Variants in HIRA observed in about 807,000 individuals in gnomAD.
HIRA encodes protein HIRA.
A neutral mutation model predicts 126.6 loss-of-function variants in HIRA; 13 were observed. That is an observed-to-expected ratio of 0.10 (90% confidence interval 0.07 to 0.16). HIRA has a LOEUF of 0.16. Ranked by LOEUF, HIRA falls within the 10% of genes least tolerant of loss-of-function variation. HIRA has a pLI of 1.00. For synonymous variants in HIRA, 511 were observed against 520.0 expected (o/e 0.98, Z 0.24); for missense variants, 834 against 1,314.4 (o/e 0.63, Z 5.65).
rs376218801 is a variant in HIRA at position 19,361,312 on chromosome 22, C to T, written c.2010G>A (p.Glu670=). ...GTGCTGGTGCAGACAGACACATGGC[C>T]TCCTTCTCTGCGGTTAGGGCAGCTG... ...QSPAALTAEK[E]AMCLSAPALA... Residue 670 remains glutamate (E), a synonymous_variant, in exon 17 of 25, where the codon GAG becomes GAA. Transcript: ENST00000263208. The T allele has an allele frequency of 9.2e-5, 148 of 1,614,082 alleles. No individual in the cohort carries two copies. The South Asian group carries it at 1.1e-3, about 12-fold the overall frequency.
At chr22:19,349,690 G>A (rs938562016) in intron 24 of HIRA, among the ~76,000 whole-genome samples, 3 of 152,116 alleles carry the variant, frequency 2.0e-5, no homozygotes, top group African/African-American at 7.2e-5. Flanking sequence ...TTGAACCCAG[G>A]ATTCAAAGTA....
At chr22:19,363,313 C>T (rs528050010) in intron 15 of HIRA, among the ~76,000 whole-genome samples, 1 of 151,348 alleles carries the variant, frequency 6.6e-6, no homozygotes, top group Admixed American at 6.6e-5. Context: ...AAGACAAAGA[C>T]AGATTAATAG....
Position 19,351,597 on chromosome 22 carries a change from C to T in HIRA, c.2849-151G>A, listed in dbSNP as rs555249383. 15 of 637,542 alleles carry T rather than the reference C, an allele frequency of 2.4e-5. No individual in the cohort carries two copies. The highest frequency in any genetic ancestry group is 5.9e-5 in the South Asian group (3 of 50,818). The allele number at this position is 637,542 out of a possible 1,614,324, so 39.5% of individuals were successfully genotyped here. On this transcript the variant is annotated intron_variant, in intron 23 of 24. Transcript: ENST00000263208. This position sits in a 1 kb window ranked among gnomAD's most constrained non-coding sequence, Gnocchi z 4.8. ...ATTTTATTGCCTACTATGGGCAAGA[C>T]GCCCCTGCATGTCTCTCAGCGGGGG... is the stretch of plus-strand genomic sequence containing the variant.
chr22:19,422,087 G>A lies in HIRA; in HGVS notation c.37+9353C>T, dbSNP rs113113550. Among the ~76,000 whole-genome samples the A allele has an allele frequency of 2.7e-3, 415 of 151,562 alleles. 1 individual carries two copies. Among genetic ancestry groups the A allele is most frequent in the African/African-American group, 9.6e-3 (396 of 41,288 alleles). On this transcript the variant is annotated intron_variant, in intron 1 of 24. Transcript: ENST00000263208. ...ACTTTATCAGGGAACAGGTTACAAA[G>A]TACATTAACTTGTCAAAAGTCAACA...
chr22:19,395,837 T>C (rs900811688), intron 7 of HIRA, among the ~76,000 whole-genome samples: 3 of 152,212 alleles, frequency 2.0e-5, no homozygotes, highest in African/African-American at 7.2e-5. Flanking sequence ...TGCCCAGTTA[T>C]TGCCTTCTAT....
chr22:19,354,169 TGGCCTCTTTGCCAACCAGAGAA>T, intron 21 of HIRA, 51 bp from the exon 22 acceptor site: 1 of 1,573,596 alleles, frequency 6.4e-7, no homozygotes, highest in East Asian at 2.3e-5. Flanking sequence ...GAGATCTGGT[TGGCCTCTTTGCCAACCAGAGAA>T]GGCTGGCAAA....
intron 1 of HIRA, among the ~76,000 whole-genome samples, chr22:19,418,953 A>C (rs914466783): frequency 6.8e-6 from 1 of 147,406 alleles, no homozygotes; most frequent in Non-Finnish European, 1.5e-5. Flanking sequence ...CACACACACA[A>C]GGCCTGTTTT....
At chr22:19,341,249 G>C (rs781841356) in intron 24 of HIRA, among the ~76,000 whole-genome samples, 6 of 152,012 alleles carry the variant, frequency 3.9e-5, no homozygotes, top group Non-Finnish European at 7.4e-5. Context: ...CCAGGAGTTC[G>C]AGACCAGCCT....
chr22:19,391,327 G>C (rs561755411), intron 9 of HIRA, among the ~76,000 whole-genome samples: 14 of 152,278 alleles, frequency 9.2e-5, no homozygotes, highest in African/African-American at 2.9e-4. Context: ...CATTAGAGTG[G>C]TTGCTTTGGT....
intron 13 of HIRA, among the ~76,000 whole-genome samples, chr22:19,379,140 G>A (rs890098184): frequency 4.6e-5 from 7 of 151,290 alleles, no homozygotes; most frequent in Non-Finnish European, 1.0e-4. Flanking sequence ...CCATTCTCCT[G>A]CCTCAGCCTC....
chr22:19,353,415 T>C lies in HIRA; in HGVS notation c.2789A>G (p.Gln930Arg). 1 of 1,613,136 alleles carries C rather than the reference T, an allele frequency of 6.2e-7. No individual in the cohort carries two copies. The highest frequency in any genetic ancestry group is 8.5e-7 in the Non-Finnish European group (1 of 1,179,960). ...CCAATGGCGGTACTCGTGGCTGGAC[T>C]GCAGGGTGAGTGCTGCTGCCACCTG... is the stretch of plus-strand genomic sequence containing the variant. ...ENQVAAALTL[Q>R]SSHEYRHWLL... is the part of the protein sequence containing the mutation. The change falls in exon 23 of 25, where the codon CAG becomes CGG. Residue 930 changes from glutamine (Q) to arginine (R), a missense_variant. Physicochemically the swap from Gln to Arg is conservative, Grantham distance 43 (BLOSUM62 1). Coordinates refer to ENST00000263208, the MANE Select transcript of HIRA (RefSeq NM_003325.4).
intron 5 of HIRA, among the ~76,000 whole-genome samples, chr22:19,401,092 C>T (rs1414591848): frequency 9.9e-5 from 15 of 152,102 alleles, no homozygotes; most frequent in Admixed American, 9.8e-4. Context: ...CCTGACAAAG[C>T]TCAGCTCCTC....
rs898247676 is a variant in HIRA, at chr22:19,383,851, C to T, written c.1330-146G>A. ...TAGCAAAGTTTTAAGTATGCAATATCATATTGTGAACTGTAGGCACTATGC... is the reference window on the plus strand; with the variant it reads ...TAGCAAAGTTTTAAGTATGCAATATTATATTGTGAACTGTAGGCACTATGC... On this transcript the variant is annotated intron_variant, in intron 12 of 24. Coordinates refer to ENST00000263208, the MANE Select transcript of HIRA (RefSeq NM_003325.4). 13 of 635,032 alleles carry T rather than the reference C, an allele frequency of 2.0e-5. No homozygotes were observed. The African/African-American group carries it at 2.2e-4, about 11-fold the overall frequency. The allele number at this position is 635,032 out of a possible 1,614,324, so 39.3% of individuals were successfully genotyped here.
rs189605708 is a variant in HIRA at position 19,425,749 on chromosome 22, C to T, written c.37+5691G>A. ...CTGTAATACCAGCACTTTGGGAGGC[C>T]GAGGCGGGTGGATCACCTGAGGTCA... On this transcript the variant is annotated intron_variant, in intron 1 of 24. Coordinates refer to ENST00000263208, the MANE Select transcript of HIRA (RefSeq NM_003325.4). Among the ~76,000 whole-genome samples the T allele has an allele frequency of 7.4e-3, 1,123 of 152,114 alleles. 10 individuals are homozygous for T. Among genetic ancestry groups the T allele is most frequent in the Non-Finnish European group, 0.012 (845 of 67,986 alleles).
chr22:19,407,056 C>T (rs1243725245), intron 4 of HIRA, 128 bp downstream of exon 4: 2 of 719,774 alleles, frequency 2.8e-6, no homozygotes, highest in Admixed American at 2.2e-5. Context: ...GACCTACATG[C>T]ACTTTCCACT....
chr22:19,353,979 G>A lies in HIRA; in HGVS notation c.2684+17C>T. ...GGCAGGACTAAGGACAGTGGCCATG[G>A]CATTCAGGTCACGTACTTGGAGGTG... On this transcript the variant is annotated intron_variant, in intron 22 of 24. Coordinates refer to ENST00000263208, the MANE Select transcript of HIRA (RefSeq NM_003325.4). 6.2e-7 allele frequency: 1 copy of A among 1,611,812 alleles called. No homozygotes were observed. The highest frequency in any genetic ancestry group is 8.5e-7 in the Non-Finnish European group (1 of 1,179,086).
intron 1 of HIRA, among the ~76,000 whole-genome samples, chr22:19,427,507 C>G (rs2089497848): frequency 6.6e-6 from 1 of 152,196 alleles, no homozygotes; most frequent in Non-Finnish European, 1.5e-5. Context: ...AAATCCTTTT[C>G]AGAATGACAC....
At position 19,410,710 on chromosome 22, in the gene HIRA, A is replaced by G; in HGVS notation, c.100+6T>C. The G allele has an allele frequency of 1.2e-6, 2 of 1,610,974 alleles. No homozygotes were observed. The highest frequency in any genetic ancestry group is 1.7e-6 in the Non-Finnish European group (2 of 1,177,236). ...AGCTTTCCCTTTCTTTATTCCATAA[A>G]CATACCTTGTCCTCCAGTTGCGAAC... On this transcript the variant is annotated splice_donor_region_variant and intron_variant, in intron 2 of 24. Transcript: ENST00000263208.
In HIRA at chr22:19,383,581, C is replaced by T. The variant is rs574837688; in HGVS notation, c.1415+39G>A. The T allele has an allele frequency of 3.5e-5, 53 of 1,507,718 alleles. No individual in the cohort carries two copies. The South Asian group carries it at 5.7e-4, about 16-fold the overall frequency. 93.4% of individuals were successfully genotyped at this position (1,507,718 alleles called of 1,614,324 possible). ...AACCGCTGAAAGAAGACAGGAAGATCTCGCCAGATAAGACCATGAAAGGGG... is the reference window on the plus strand; with the variant it reads ...AACCGCTGAAAGAAGACAGGAAGATTTCGCCAGATAAGACCATGAAAGGGG... On this transcript the variant is annotated intron_variant, in intron 13 of 24. Coordinates refer to ENST00000263208, the MANE Select transcript of HIRA (RefSeq NM_003325.4).
Sources: allele counts gnomAD v4.1 joint callset (sites outside exome capture counted in the v4.1 genomes callset), GRCh38; gene constraint gnomAD v4.1.1; non-coding constraint Gnocchi (gnomAD v3.1); transcripts MANE v1.5; gene names NCBI Gene and HGNC (gene_info 2026-07-23, HGNC 2026-07-21).